Variants in NALCN observed in about 807,000 individuals in gnomAD.
NALCN encodes sodium leak channel NALCN.
NALCN carries 111 observed loss-of-function variants against 225.3 expected under a neutral mutation model. The observed-to-expected ratio is 0.49, with a 90% CI of 0.42 to 0.58. NALCN has a LOEUF of 0.58. Ranked by LOEUF, NALCN falls within the 20% of genes least tolerant of loss-of-function variation. The probability of loss-of-function intolerance (pLI) is 0.00; values close to 1 mark genes in which losing one functional copy is unlikely to be tolerated. For synonymous variants in NALCN, 764 were observed against 769.0 expected (o/e 0.99, Z 0.11); for missense variants, 1,378 against 2,202.4 (o/e 0.63, Z 7.49).
chr13:101,090,979 T>G (rs568939430), intron 28 of NALCN, among the ~76,000 whole-genome samples: 25 of 152,310 alleles, frequency 1.6e-4, no homozygotes, highest in Non-Finnish European at 3.5e-4. Flanking sequence ...CATTTCTTGT[T>G]CTTTTAACAT....
At chr13:101,364,196 A>G (rs973917326) in intron 6 of NALCN, among the ~76,000 whole-genome samples, 3 of 152,152 alleles carry the variant, frequency 2.0e-5, no homozygotes, top group Admixed American at 6.6e-5. Flanking sequence ...GAACAACTCT[A>G]TGATCCAGCA....
At chr13:101,293,586 T>C (rs898622229) in intron 7 of NALCN, among the ~76,000 whole-genome samples, 2 of 152,222 alleles carry the variant, frequency 1.3e-5, no homozygotes, top group African/African-American at 2.4e-5. Flanking sequence ...TAAACTAGAA[T>C]GTGCATATGA....
At chr13:101,190,092 T>C (rs1260145720) in intron 14 of NALCN, among the ~76,000 whole-genome samples, 1 of 152,214 alleles carries the variant, frequency 6.6e-6, no homozygotes, top group East Asian at 1.9e-4. Context: ...AATAATGTAA[T>C]AGGCTAGTTT....
chr13:101,370,038 G>C (rs2046493312), intron 6 of NALCN, among the ~76,000 whole-genome samples: 1 of 151,894 alleles, frequency 6.6e-6, no homozygotes, highest in Admixed American at 6.6e-5. Flanking sequence ...TTGTCATCAT[G>C]TTAATATTAT....
At chr13:101,106,598 C>T (rs1385641541) in intron 22 of NALCN, among the ~76,000 whole-genome samples, 4 of 152,050 alleles carry the variant, frequency 2.6e-5, no homozygotes, top group Non-Finnish European at 5.9e-5. Context: ...GTAGGAGGGA[C>T]CCAGTCAGAG....
At chr13:101,163,087 G>A (rs920548954) in intron 15 of NALCN, among the ~76,000 whole-genome samples, 1 of 152,056 alleles carries the variant, frequency 6.6e-6, no homozygotes, top group Non-Finnish European at 1.5e-5. Flanking sequence ...ATTTTTAGTA[G>A]AGATAGGGTT....
intron 14 of NALCN, among the ~76,000 whole-genome samples, chr13:101,177,355 A>G (rs2038998146): frequency 6.6e-6 from 1 of 150,456 alleles, no homozygotes; most frequent in Non-Finnish European, 1.5e-5. Flanking sequence ...ACAGATACCT[A>G]ATACACTGGT....
chr13:101,336,406 A>G (rs1334847451), intron 7 of NALCN, among the ~76,000 whole-genome samples: 7 of 152,202 alleles, frequency 4.6e-5, no homozygotes, highest in African/African-American at 1.4e-4. Flanking sequence ...ACTCATAATT[A>G]CGTTCTTCAG....
chr13:101,326,210 T>C (rs2044945103), intron 7 of NALCN, among the ~76,000 whole-genome samples: 1 of 152,186 alleles, frequency 6.6e-6, no homozygotes, highest in Non-Finnish European at 1.5e-5. Flanking sequence ...CAAGAATAAA[T>C]TTGTAATCAA....
At position 101,393,869 on chromosome 13, in the gene NALCN, G is replaced by A. The variant is rs866189023; in HGVS notation, c.291+1314C>T. On this transcript the variant is annotated intron_variant, in intron 3 of 43. Transcript: ENST00000251127. ...AACCTTGTCTGAGTCTTGAGTTGAA[G>A]AAACCAACCATAAAAAAAATTTGTG... is the stretch of plus-strand genomic sequence containing the variant. Among the ~76,000 whole-genome samples the A allele has an allele frequency of 8.5e-5, 13 of 152,240 alleles. No individual in the cohort carries two copies. The South Asian group carries it at 1.0e-3, about 12-fold the overall frequency.
chr13:101,215,355 C>T (rs1037586304), intron 13 of NALCN, among the ~76,000 whole-genome samples: 1 of 152,178 alleles, frequency 6.6e-6, no homozygotes, highest in Non-Finnish European at 1.5e-5. Flanking sequence ...AAACATCCAA[C>T]ACCTGGATGC....
At chr13:101,188,023 A>G (rs1566403847) in intron 14 of NALCN, among the ~76,000 whole-genome samples, 1 of 152,170 alleles carries the variant, frequency 6.6e-6, no homozygotes, top group East Asian at 1.9e-4. Flanking sequence ...GGCAGTACCT[A>G]AGATCTAAGC....
chr13:101,280,297 T>C (rs945544145), intron 10 of NALCN, among the ~76,000 whole-genome samples: 13 of 152,186 alleles, frequency 8.5e-5, no homozygotes, highest in Admixed American at 7.2e-4. Context: ...TCTAAGCATA[T>C]GAGTCACATT....
Position 101,415,206 on chromosome 13 carries a change from C to CAT in NALCN, c.-40+1106_-40+1107insAT, listed in dbSNP as rs1278371508. On this transcript the variant is annotated intron_variant, in intron 1 of 43. Transcript: ENST00000251127. The stretch of plus-strand genomic sequence containing the variant: ...TGTAGTTATGAACATACAAATCACA[C>CAT]ACATATATATATATATATACATACA... 2.4e-4 allele frequency among the ~76,000 whole-genome samples: 25 copies of CAT among 104,814 alleles called. 2 individuals carry two copies. The South Asian group carries it at 3.4e-3, about 14-fold the overall frequency. The allele number at this position is 104,814 out of a possible 152,430, so 68.8% of individuals were successfully genotyped here.
chr13:101,341,622 CA>C (rs1404465951), intron 7 of NALCN, among the ~76,000 whole-genome samples: 1 of 152,098 alleles, frequency 6.6e-6, no homozygotes, highest in African/African-American at 2.4e-5. Context: ...AAAAGTACCT[CA>C]AAGTACATTT....
intron 17 of NALCN, among the ~76,000 whole-genome samples, chr13:101,138,029 T>C (rs2036887558): frequency 6.6e-6 from 1 of 152,228 alleles, no homozygotes; most frequent in African/African-American, 2.4e-5. Flanking sequence ...TACCTTTGCA[T>C]ATATGTCCCC....
At chr13:101,371,940 C>T (rs1468713854) in intron 6 of NALCN, among the ~76,000 whole-genome samples, 3 of 151,934 alleles carry the variant, frequency 2.0e-5, no homozygotes, top group Non-Finnish European at 4.4e-5. Context: ...CTAAAGTACA[C>T]GTAAGTAATT....
intron 27 of NALCN, among the ~76,000 whole-genome samples, chr13:101,099,785 G>A (rs570944742): frequency 2.0e-5 from 3 of 152,150 alleles, no homozygotes; most frequent in African/African-American, 4.8e-5. Flanking sequence ...AGTTGGAGAT[G>A]GCTCTCCACT....
At chr13:101,168,733 A>G (rs1594353037) in intron 15 of NALCN, among the ~76,000 whole-genome samples, 1 of 152,206 alleles carries the variant, frequency 6.6e-6, no homozygotes, top group Admixed American at 6.5e-5. Context: ...TGGCATCAAT[A>G]CCATCAGAAT....
Sources: gnomAD v4.1 joint callset for allele counts (sites outside exome capture counted in the v4.1 genomes callset) on GRCh38, gnomAD v4.1.1 for gene constraint, MANE v1.5 for transcripts, NCBI Gene and HGNC (gene_info 2026-07-23, HGNC 2026-07-21) for gene names.